The following HMCN2 variants were observed in gnomAD, a reference collection of about 807,000 sequenced individuals.
HMCN2 encodes the protein hemicentin-2.
Under a neutral mutation model 377.5 loss-of-function variants are expected in HMCN2, and 325 were observed. That is an observed-to-expected ratio of 0.86 (90% confidence interval 0.79 to 0.94). HMCN2 has a LOEUF of 0.94. Among genes scored for constraint, HMCN2 ranks in the 40% least tolerant of loss-of-function variants. The probability of loss-of-function intolerance (pLI) is 0.00; values close to 1 mark genes in which losing one functional copy is unlikely to be tolerated. For synonymous variants in HMCN2, 2,007 were observed against 2,046.8 expected (o/e 0.98, Z 0.53); for missense variants, 4,543 against 4,725.3 (o/e 0.96, Z 1.13).
At chr9:130,406,876 G>A (rs1288832097) in intron 82 of HMCN2, 1 of 153,848 alleles carries the variant, frequency 6.5e-6, no homozygotes, top group Non-Finnish European at 1.4e-5. Context: ...GCCCGGAGTA[G>A]ATGCCCAATT....
chr9:130,380,150 G>C (rs1047459021), intron 54 of HMCN2, among the ~76,000 whole-genome samples: 2 of 152,208 alleles, frequency 1.3e-5, no homozygotes, highest in Non-Finnish European at 2.9e-5. Context: ...AACATGCTGG[G>C]ATTATAGGCG....
At chr9:130,430,784 T>C in intron 95 of HMCN2, 180 bp downstream of exon 95, 1 of 618,052 alleles carries the variant, frequency 1.6e-6, no homozygotes, top group South Asian at 2.2e-5. Flanking sequence ...TTGGCTGTGC[T>C]ATTGGGCAGG....
chr9:130,301,043 T>C (rs1177906363), intron 8 of HMCN2, among the ~76,000 whole-genome samples: 1 of 152,250 alleles, frequency 6.6e-6, no homozygotes, highest in Non-Finnish European at 1.5e-5. Flanking sequence ...CTCTGTCCAC[T>C]TCAAATAAGG....
intron 1 of HMCN2, among the ~76,000 whole-genome samples, chr9:130,276,140 G>A (rs1488492275): frequency 6.6e-6 from 1 of 151,698 alleles, no homozygotes; most frequent in African/African-American, 2.4e-5. Flanking sequence ...GGTGTGTCAG[G>A]TCAGCCTGTA....
At position 130,358,381 on chromosome 9, in the gene HMCN2, C is replaced by G; in HGVS notation, c.5581-9C>G. 7.7e-7 allele frequency: 1 copy of G among 1,304,214 alleles called. No homozygotes were observed. Among genetic ancestry groups the G allele is most frequent in the Non-Finnish European group, 1.0e-6 (1 of 988,876 alleles). 80.8% of individuals were successfully genotyped at this position (1,304,214 alleles called of 1,614,324 possible). ...CCCTGTGGCATACTCTCTGCCCCCT[C>G]CCCTCCAGATTGAGAAGGTGGACCT... On this transcript the variant is annotated splice_polypyrimidine_tract_variant and intron_variant, in intron 35 of 97. Transcript: ENST00000683500.
rs893094934 is a variant in HMCN2, at chr9:130,304,364, T to C, written c.1544-366T>C. On this transcript the variant is annotated intron_variant, in intron 10 of 97. Transcript: ENST00000683500. This position sits in a 1 kb window ranked among gnomAD's most constrained non-coding sequence, Gnocchi z 4.3. ...GTACAGAGAATCGTTTTGAACACAT[T>C]ACTCTCTTCCTCTGGCTGGAGACTT... Among the ~76,000 whole-genome samples, 2 of 152,216 alleles carry C rather than the reference T, an allele frequency of 1.3e-5. No homozygotes were observed. Among genetic ancestry groups the C allele is most frequent in the Admixed American group, 6.5e-5 (1 of 15,282 alleles).
intron 29 of HMCN2, 84 bp downstream of exon 29, chr9:130,349,747 C>G: frequency 8.2e-7 from 1 of 1,216,384 alleles, no homozygotes; most frequent in Non-Finnish European, 1.1e-6. Flanking sequence ...AGGTTGAACT[C>G]TTCTTGGGGA....
At chr9:130,371,190 C>G in intron 46 of HMCN2, 59 bp downstream of exon 46, 1 of 921,642 alleles carries the variant, frequency 1.1e-6, no homozygotes, top group Non-Finnish European at 1.3e-6. Flanking sequence ...GCCTCTGACT[C>G]TATCCATTAC....
At chr9:130,350,243 A>G (rs1839628148) in intron 29 of HMCN2, among the ~76,000 whole-genome samples, 1 of 150,856 alleles carries the variant, frequency 6.6e-6, no homozygotes, top group South Asian at 2.2e-4. Flanking sequence ...TCTAAGTAAA[A>G]TTCACATAAT....
At chr9:130,330,615 A>G (rs1182724911) in intron 22 of HMCN2, among the ~76,000 whole-genome samples, 2 of 152,126 alleles carry the variant, frequency 1.3e-5, no homozygotes, top group African/African-American at 4.8e-5. Flanking sequence ...CCCCCAAGTC[A>G]GCAAGTGCTC....
At chr9:130,290,996 A>G (rs1835725758) in intron 4 of HMCN2, among the ~76,000 whole-genome samples, 1 of 152,200 alleles carries the variant, frequency 6.6e-6, no homozygotes, top group African/African-American at 2.4e-5. Flanking sequence ...ACCAATAAGT[A>G]GCATGCAAGA....
At chr9:130,272,718 T>TTG (rs1303112102) in intron 1 of HMCN2, among the ~76,000 whole-genome samples, 1 of 152,108 alleles carries the variant, frequency 6.6e-6, no homozygotes, top group African/African-American at 2.4e-5. Context: ...TGGCTAATTT[T>TTG]TGTGTGTGTA....
At chr9:130,368,996 A>G (rs918780658) in intron 44 of HMCN2, among the ~76,000 whole-genome samples, 3 of 152,088 alleles carry the variant, frequency 2.0e-5, no homozygotes, top group Non-Finnish European at 4.4e-5. Context: ...TAACCCAAGC[A>G]TTGGGGGTGG....
intron 1 of HMCN2, among the ~76,000 whole-genome samples, chr9:130,278,873 ACCCAGCCTGAG>A (rs2131255036): frequency 7.5e-6 from 1 of 133,080 alleles, no homozygotes; most frequent in Non-Finnish European, 1.6e-5. Flanking sequence ...GAGCCACCTC[ACCCAGCCTGAG>A]ACCCTATTTT....
chr9:130,322,319 A>T (rs1837895247), intron 19 of HMCN2, among the ~76,000 whole-genome samples: 1 of 149,382 alleles, frequency 6.7e-6, no homozygotes, highest in African/African-American at 2.5e-5. Flanking sequence ...CTATCTATCT[A>T]ATCTATCTAT....
chr9:130,306,392 C>A, intron 12 of HMCN2, 122 bp downstream of exon 12: 1 of 403,174 alleles, frequency 2.5e-6, no homozygotes, highest in Non-Finnish European at 5.2e-6. Flanking sequence ...TTCCTTGCTC[C>A]TGGGATCATT....
chr9:130,316,666 G>A (rs1400938221), intron 15 of HMCN2, among the ~76,000 whole-genome samples: 10 of 152,120 alleles, frequency 6.6e-5, no homozygotes, highest in African/African-American at 2.2e-4. Flanking sequence ...TGTAGCTCCC[G>A]CCCCAGAAAA....
At chr9:130,350,431 C>T (rs903687170) in intron 29 of HMCN2, among the ~76,000 whole-genome samples, 3 of 149,276 alleles carry the variant, frequency 2.0e-5, no homozygotes, top group African/African-American at 7.4e-5. Flanking sequence ...GTGGCAGGCG[C>T]CTGTAATCCC....
chr9:130,359,406 C>T lies in HMCN2; in HGVS notation c.5765C>T (p.Pro1922Leu). The T allele has an allele frequency of 7.7e-7, 1 of 1,301,748 alleles. No homozygotes were observed. The highest frequency in any genetic ancestry group is 1.5e-5 in the African/African-American group (1 of 65,922). The allele number at this position is 1,301,748 out of a possible 1,614,324, so 80.6% of individuals were successfully genotyped here. ...TTGGAGTGTCTGGCTTCGGGCGTGC[C>T]CCCTCCTGGTAAGACCCCTCCTCTT... ...VTLECLASGV[P>L]PPDVSWFKGH... Residue 1922 changes from proline to leucine, a missense_variant, in exon 37 of 98, where the codon CCC (proline) becomes CTC (leucine). Physicochemically the swap from Pro to Leu is moderately conservative, Grantham distance 98 (BLOSUM62 -3). This residue lies in a region of HMCN2 where 1,032 missense variants were observed against 1,285.1 expected (regional missense o/e 0.80). Transcript: ENST00000683500.
Sources: allele counts gnomAD v4.1 joint callset (sites outside exome capture counted in the v4.1 genomes callset), GRCh38; gene constraint gnomAD v4.1.1; regional missense constraint gnomAD v4.1.1; non-coding constraint Gnocchi (gnomAD v3.1); transcripts MANE v1.5; gene names NCBI Gene and HGNC (gene_info 2026-07-23, HGNC 2026-07-21).